Variants in MDGA2 observed in about 807,000 individuals in gnomAD.
The protein encoded by MDGA2 is MAM domain containing glycosylphosphatidylinositol anchor 2.
MDGA2 carries 40 observed loss-of-function variants against 117.8 expected under a neutral mutation model. The observed-to-expected ratio is 0.34, with a 90% CI of 0.26 to 0.44. The LOEUF (loss-of-function observed/expected upper bound fraction) is 0.44, where lower values mean the gene tolerates loss of function less well. Among genes scored for constraint, MDGA2 ranks in the 20% least tolerant of loss-of-function variants. MDGA2 has a pLI of 1.00. For synonymous variants in MDGA2, 452 were observed against 439.0 expected, an observed-to-expected ratio of 1.03 and a Z score of -0.37; for missense variants, 1,123 against 1,250.6, an observed-to-expected ratio of 0.90 and a Z score of 1.54.
rs550485395 is a variant in MDGA2, at chr14:47,392,583, A to G, written c.281-91033T>C. ...GGAGAACTTTCAGGGTAAACAGTCC[A>G]GAGAGACCCTACTGAGCTGCACATA... On this transcript the variant is annotated intron_variant, in intron 1 of 16. Coordinates refer to ENST00000399232, the MANE Select transcript of MDGA2 (RefSeq NM_001113498.3). 3.6e-4 allele frequency among the ~76,000 whole-genome samples: 55 copies of G among 152,176 alleles called. 1 individual carries two copies. Among genetic ancestry groups the G allele is most frequent in the African/African-American group, 1.3e-3 (54 of 41,540 alleles).
intron 1 of MDGA2, among the ~76,000 whole-genome samples, chr14:47,547,604 A>G (rs1425850668): frequency 6.6e-6 from 1 of 152,218 alleles, no homozygotes; most frequent in East Asian, 1.9e-4. Flanking sequence ...CATTTTTCAC[A>G]GCTACTTGAC....
At chr14:47,612,886 A>T (rs1043137182) in intron 1 of MDGA2, among the ~76,000 whole-genome samples, 3 of 152,318 alleles carry the variant, frequency 2.0e-5, no homozygotes, top group Admixed American at 2.0e-4. Context: ...ACCTGACGAT[A>T]CTTAAAAGCT....
chr14:47,383,205 G>T (rs1057357405), intron 1 of MDGA2, among the ~76,000 whole-genome samples: 33 of 152,218 alleles, frequency 2.2e-4, no homozygotes, highest in African/African-American at 7.0e-4. Context: ...AGCCTGTCAG[G>T]GGATGGGGGA....
At chr14:47,472,766 G>T (rs927891715) in intron 1 of MDGA2, among the ~76,000 whole-genome samples, 2 of 152,076 alleles carry the variant, frequency 1.3e-5, no homozygotes, top group African/African-American at 4.8e-5. Context: ...TTACCAGCTG[G>T]ATAACTTTAA....
intron 1 of MDGA2, among the ~76,000 whole-genome samples, chr14:47,496,153 T>C (rs964349322): frequency 6.6e-6 from 1 of 152,156 alleles, no homozygotes; most frequent in Non-Finnish European, 1.5e-5. Flanking sequence ...TTGAACCAAA[T>C]GAATGAATGA....
intron 6 of MDGA2, among the ~76,000 whole-genome samples, chr14:47,088,670 C>T (rs1449245219): frequency 1.3e-5 from 2 of 152,210 alleles, no homozygotes; most frequent in African/African-American, 4.8e-5. Context: ...TGATTAATAG[C>T]TTAAGATATA....
intron 9 of MDGA2, among the ~76,000 whole-genome samples, chr14:46,925,590 C>T (rs868811391): frequency 1.4e-4 from 19 of 138,600 alleles, no homozygotes; most frequent in African/African-American, 4.9e-4. Context: ...CGAGATTGCC[C>T]AACTACACTC....
chr14:46,967,174 T>C (rs1886069177), intron 8 of MDGA2, among the ~76,000 whole-genome samples: 1 of 152,204 alleles, frequency 6.6e-6, no homozygotes, highest in Non-Finnish European at 1.5e-5. Context: ...ATGCATGGGC[T>C]GTCTTCAATC....
At chr14:47,499,467 G>A (rs1894354318) in intron 1 of MDGA2, among the ~76,000 whole-genome samples, 1 of 152,118 alleles carries the variant, frequency 6.6e-6, no homozygotes, top group Non-Finnish European at 1.5e-5. Flanking sequence ...TCTACCAATA[G>A]TCACAATATA....
At chr14:47,418,587 C>G (rs1468767056) in intron 1 of MDGA2, among the ~76,000 whole-genome samples, 2 of 152,068 alleles carry the variant, frequency 1.3e-5, no homozygotes, top group Non-Finnish European at 2.9e-5. Flanking sequence ...ACCTCATGAC[C>G]AAATCACCTT....
intron 4 of MDGA2, among the ~76,000 whole-genome samples, chr14:47,134,161 T>C (rs1264952480): frequency 3.3e-5 from 5 of 152,062 alleles, no homozygotes; most frequent in African/African-American, 7.2e-5. Context: ...CTTGCCAGAC[T>C]TCTCCCTTTG....
chr14:47,317,246 A>T (rs1275525676), intron 1 of MDGA2, among the ~76,000 whole-genome samples: 5 of 152,136 alleles, frequency 3.3e-5, no homozygotes, highest in African/African-American at 1.2e-4. Flanking sequence ...ATAGCTGTAC[A>T]GGTACTCAAA....
chr14:47,569,088 G>C (rs190278407), intron 1 of MDGA2, among the ~76,000 whole-genome samples: 1 of 150,926 alleles, frequency 6.6e-6, no homozygotes, highest in African/African-American at 2.4e-5. Context: ...GGAGTTTTTT[G>C]TTTTTAATAC....
chr14:47,165,059 C>T (rs1883808436), intron 3 of MDGA2, among the ~76,000 whole-genome samples: 1 of 152,020 alleles, frequency 6.6e-6, no homozygotes, highest in Non-Finnish European at 1.5e-5. Flanking sequence ...AATGAGAACA[C>T]CTGGACACAG....
chr14:47,673,525 C>T (rs1002043519), intron 1 of MDGA2, among the ~76,000 whole-genome samples: 6 of 152,044 alleles, frequency 3.9e-5, no homozygotes, highest in African/African-American at 1.4e-4. Flanking sequence ...AGGGGTGCAC[C>T]TCTAACCTCC....
intron 1 of MDGA2, among the ~76,000 whole-genome samples, chr14:47,669,857 G>GA (rs201639946): frequency 1.7e-4 from 25 of 150,316 alleles, no homozygotes; most frequent in Admixed American, 1.3e-4. Flanking sequence ...AACCCAATCT[G>GA]AAAAAAAAAT....
intron 3 of MDGA2, among the ~76,000 whole-genome samples, chr14:47,186,241 AC>A (rs1166826866): frequency 1.3e-5 from 2 of 151,598 alleles, no homozygotes; most frequent in South Asian, 4.1e-4. Flanking sequence ...AACAACTCCC[AC>A]CCCATATCAA....
At chr14:47,464,263 A>G (rs1893553794) in intron 1 of MDGA2, among the ~76,000 whole-genome samples, 1 of 152,092 alleles carries the variant, frequency 6.6e-6, no homozygotes, top group Admixed American at 6.6e-5. Flanking sequence ...GGAAAAATTA[A>G]TCAAATTCTC....
At chr14:47,294,556 G>C (rs1403898886) in intron 2 of MDGA2, among the ~76,000 whole-genome samples, 5 of 151,306 alleles carry the variant, frequency 3.3e-5, no homozygotes, top group Non-Finnish European at 5.9e-5. Context: ...TATCACAGAC[G>C]AAAAAAAGCA....
Sources: gnomAD v4.1 joint callset for allele counts (sites outside exome capture counted in the v4.1 genomes callset) on GRCh38, gnomAD v4.1.1 for gene constraint, MANE v1.5 for transcripts, NCBI Gene and HGNC (gene_info 2026-07-23, HGNC 2026-07-21) for gene names.